The following SUCLG2 variants were observed in gnomAD, a reference collection of about 807,000 sequenced individuals.
The protein encoded by SUCLG2 is succinate-CoA ligase GDP-forming subunit beta.
Under a neutral mutation model 47.9 loss-of-function variants are expected in SUCLG2, and 42 were observed. That is an observed-to-expected ratio of 0.88 (90% CI 0.69 to 1.14). The LOEUF is 1.14. SUCLG2 is among the 50% of genes most tolerant of loss of function. The probability of loss-of-function intolerance (pLI) is 0.00; values close to 1 mark genes in which losing one functional copy is unlikely to be tolerated. For missense variants in SUCLG2, 571 were observed against 525.9 expected (o/e 1.09, Z -0.84); for synonymous variants, 195 against 197.3 (o/e 0.99, Z 0.10).
chr3:67,553,552 A>G (rs1041166316), intron 2 of SUCLG2, among the ~76,000 whole-genome samples: 1 of 152,186 alleles, frequency 6.6e-6, no homozygotes, highest in Non-Finnish European at 1.5e-5. Flanking sequence ...TCATTTACAA[A>G]TTTAATTTAA....
At chr3:67,641,159 TGCC>T (rs1265749827) in intron 1 of SUCLG2, among the ~76,000 whole-genome samples, 3 of 152,224 alleles carry the variant, frequency 2.0e-5, no homozygotes, top group African/African-American at 4.8e-5. Context: ...AATAAACCTG[TGCC>T]CCTTTCCTTG....
At chr3:67,387,606 T>A in intron 10 of SUCLG2, among the ~76,000 whole-genome samples, 1 of 152,244 alleles carries the variant, frequency 6.6e-6, no homozygotes. Flanking sequence ...GTGCATCTTT[T>A]ATTTTCATAC....
At chr3:67,572,996 C>A (rs144762262) in intron 2 of SUCLG2, among the ~76,000 whole-genome samples, 1 of 151,914 alleles carries the variant, frequency 6.6e-6, no homozygotes, top group South Asian at 2.1e-4. Flanking sequence ...ATAAAAGATA[C>A]AAAGATCAAT....
intron 1 of SUCLG2, among the ~76,000 whole-genome samples, chr3:67,630,621 G>A (rs751966184): frequency 8.5e-5 from 13 of 152,128 alleles, no homozygotes; most frequent in African/African-American, 2.4e-4. Flanking sequence ...ACTCCTAGTC[G>A]CAAGGATTAA....
chr3:67,612,935 G>C (rs1490772933), intron 1 of SUCLG2, among the ~76,000 whole-genome samples: 2 of 152,198 alleles, frequency 1.3e-5, no homozygotes, highest in Non-Finnish European at 2.9e-5. Context: ...ACATTTACCA[G>C]TTATTTATAA....
chr3:67,420,644 A>C (rs1055392073), intron 9 of SUCLG2, among the ~76,000 whole-genome samples: 1 of 152,222 alleles, frequency 6.6e-6, no homozygotes, highest in African/African-American at 2.4e-5. Context: ...ATCCACAACT[A>C]TCCTACAACA....
At chr3:67,604,910 A>G (rs1267099726) in intron 2 of SUCLG2, among the ~76,000 whole-genome samples, 1 of 152,220 alleles carries the variant, frequency 6.6e-6, no homozygotes, top group Non-Finnish European at 1.5e-5. Context: ...AGGTAAGCAA[A>G]TATCTTTCAA....
chr3:67,516,646 T>C (rs1319152104), intron 6 of SUCLG2, among the ~76,000 whole-genome samples: 1 of 152,168 alleles, frequency 6.6e-6, no homozygotes, highest in Non-Finnish European at 1.5e-5. Flanking sequence ...GCAATAAAAA[T>C]AGATGCCAAG....
intron 1 of SUCLG2, among the ~76,000 whole-genome samples, chr3:67,628,341 T>C (rs767741447): frequency 6.6e-6 from 1 of 152,244 alleles, no homozygotes; most frequent in Non-Finnish European, 1.5e-5. Flanking sequence ...AGTATGAATG[T>C]ATAAGATGGT....
chr3:67,529,906 G>T (rs1706355812), intron 2 of SUCLG2, among the ~76,000 whole-genome samples: 1 of 152,180 alleles, frequency 6.6e-6, no homozygotes, highest in South Asian at 2.1e-4. Context: ...AGGGAAGTTG[G>T]GTGCATGAAG....
At chr3:67,464,256 T>A (rs982689005) in intron 9 of SUCLG2, among the ~76,000 whole-genome samples, 5 of 152,150 alleles carry the variant, frequency 3.3e-5, no homozygotes, top group African/African-American at 1.2e-4. Context: ...ACCAACCTCT[T>A]CTGGACAGCA....
At chr3:67,499,697 G>A (rs898463679) in intron 7 of SUCLG2, among the ~76,000 whole-genome samples, 2 of 151,932 alleles carry the variant, frequency 1.3e-5, no homozygotes, top group African/African-American at 2.4e-5. Flanking sequence ...GTGATGCCAT[G>A]TCATCATAAT....
chr3:67,518,132 TA>T, intron 6 of SUCLG2, 114 bp downstream of exon 6: 1 of 904,560 alleles, frequency 1.1e-6, no homozygotes, highest in Non-Finnish European at 1.7e-6. Flanking sequence ...GAAAAAATTA[TA>T]AAACAATAAA....
At chr3:67,629,133 C>T (rs10510965) in intron 1 of SUCLG2, among the ~76,000 whole-genome samples, 12,609 of 152,256 alleles carry the variant, frequency 0.083, 902 homozygotes, top group African/African-American at 0.19. Context: ...GAGTTAAGCA[C>T]TGGCAAAGAC....
intron 10 of SUCLG2, among the ~76,000 whole-genome samples, chr3:67,386,175 G>A (rs370085958): frequency 2.8e-3 from 424 of 152,024 alleles, no homozygotes; most frequent in African/African-American, 9.6e-3. Flanking sequence ...TGCAAGCTCC[G>A]CCTCCCAGGT....
intron 9 of SUCLG2, among the ~76,000 whole-genome samples, chr3:67,489,460 C>T (rs946452969): frequency 3.3e-5 from 5 of 152,110 alleles, no homozygotes; most frequent in African/African-American, 9.7e-5. Flanking sequence ...TCATTCTCCA[C>T]AGACTAGACT....
At chr3:67,414,095 T>C (rs1702984462) in intron 9 of SUCLG2, among the ~76,000 whole-genome samples, 1 of 152,216 alleles carries the variant, frequency 6.6e-6, no homozygotes, top group South Asian at 2.1e-4. Flanking sequence ...ATGTCAAAGT[T>C]CTTACTCCGG....
In SUCLG2 at chr3:67,364,326, G is replaced by T. The variant is rs2106741052; in HGVS notation, c.1184-3558C>A. On this transcript the variant is annotated intron_variant, in intron 10 of 10. Coordinates refer to the SUCLG2 transcript ENST00000493112. ...CATGGGGTCAGTGGAGAACACATGG[G>T]GAGCCTGGCCTTCCACCCCTGCTCA... Among the ~76,000 whole-genome samples the T allele has an allele frequency of 2.6e-5, 4 of 152,202 alleles. No homozygotes were observed. In the South Asian group the frequency reaches 8.3e-4, roughly 32 times the overall value.
intron 9 of SUCLG2, among the ~76,000 whole-genome samples, chr3:67,478,409 C>T (rs1307097502): frequency 2.0e-5 from 3 of 152,210 alleles, no homozygotes; most frequent in Non-Finnish European, 4.4e-5. Flanking sequence ...ACTGAACAGA[C>T]CTCTGTCTGT....
Sources: allele counts gnomAD v4.1 joint callset (sites outside exome capture counted in the v4.1 genomes callset), GRCh38; gene constraint gnomAD v4.1.1; transcripts MANE v1.5; gene names NCBI Gene and HGNC (gene_info 2026-07-23, HGNC 2026-07-21).